Variants in ABCA6 observed in about 807,000 individuals in gnomAD.
ABCA6 encodes ATP-binding cassette sub-family A member 6.
A neutral mutation model predicts 191.2 loss-of-function variants in ABCA6; 164 were observed. The ratio of observed to expected loss-of-function variants is 0.86; its 90% confidence interval spans 0.76 to 0.98. The LOEUF (loss-of-function observed/expected upper bound fraction) is 0.98, where lower values mean the gene tolerates loss of function less well. ABCA6 is among the 50% of genes least tolerant of loss of function. ABCA6 has a pLI of 0.00. For missense variants in ABCA6, 1,958 were observed against 1,894.1 expected (o/e 1.03, Z -0.63); for synonymous variants, 636 against 647.7 (o/e 0.98, Z 0.27).
In ABCA6 at chr17:69,096,786, G is replaced by T. The variant is rs1030055454; in HGVS notation, c.3136C>A (p.Gln1046Lys). 1.3e-6 allele frequency: 2 copies of T among 1,525,818 alleles called. No homozygotes were observed. Among genetic ancestry groups the T allele is most frequent in the African/African-American group, 1.4e-5 (1 of 69,154 alleles). 94.5% of individuals were successfully genotyped at this position (1,525,818 alleles called of 1,614,324 possible). ...ISDYKKNAKS[Q>K]LWISGLYTSA... ...GTGTAGAGGCCTGAAATCCATAGCT[G>T]GGACTTAGCATTTTTCTGATTAAAA... The change falls in exon 24 of 39, where the codon CAG becomes AAG. Residue 1046 changes from glutamine to lysine, a missense_variant. By Grantham distance (53) the Gln-to-Lys change is moderately conservative. Transcript: ENST00000284425.
Position 69,137,464 on chromosome 17 carries a change from C to G in ABCA6, c.133G>C (p.Ala45Pro), listed in dbSNP as rs1377860822. Residue 45 changes from alanine (A) to proline (P), a missense_variant, in exon 3 of 39, where the codon GCT becomes CCT. By Grantham distance (27) the Ala-to-Pro change is conservative (BLOSUM62 -1). Transcript: ENST00000284425. ...GLSILLGLCI[A>P]LFSSSMRNVQ... Reference sequence around the variant, plus strand: ...TTTCTCATGGAACTGGAAAACAGAGCAATACACAGTCCTAGAAGTATTGAG... The same window carrying G: ...TTTCTCATGGAACTGGAAAACAGAGGAATACACAGTCCTAGAAGTATTGAG... 1.9e-6 allele frequency: 3 copies of G among 1,613,568 alleles called. No individual in the cohort carries two copies. Among genetic ancestry groups the G allele is most frequent in the Non-Finnish European group, 2.5e-6 (3 of 1,179,714 alleles).
intron 37 of ABCA6, among the ~76,000 whole-genome samples, chr17:69,080,582 T>G (rs2072607013): frequency 6.6e-6 from 1 of 152,128 alleles, no homozygotes; most frequent in Non-Finnish European, 1.5e-5. Flanking sequence ...CAAATACACC[T>G]GCACAGACAC....
At chr17:69,105,386 TCCCC>T in intron 20 of ABCA6, 72 bp downstream of exon 20, 1 of 1,324,106 alleles carries the variant, frequency 7.6e-7, no homozygotes, top group Non-Finnish European at 1.0e-6. Context: ...ATGATTCACT[TCCCC>T]CCCCCACCTC....
At chr17:69,134,596 G>A in intron 5 of ABCA6, 43 bp downstream of exon 5, 1 of 1,411,544 alleles carries the variant, frequency 7.1e-7, no homozygotes, top group South Asian at 1.2e-5. Context: ...GTCTCTGGAA[G>A]TAGCTGACAT....
rs757669020 is a variant in ABCA6, at chr17:69,128,729, G to T, written c.1009C>A (p.Leu337Ile). 2 of 1,612,756 alleles carry T rather than the reference G, an allele frequency of 1.2e-6. No homozygotes were observed. Among genetic ancestry groups the T allele is most frequent in the East Asian group, 4.5e-5 (2 of 44,832 alleles). Residue 337 changes from leucine to isoleucine, a missense_variant, in exon 8 of 39, where the codon CTC becomes ATC. Transcript: ENST00000284425. ...GTGAATCCCAGACATCCCCAAAAGA[G>T]GGTAAGGAGAAACACAACCAAATTG... ...LTNLVVFLLT[L>I]FWGCLGFTVF... is the part of the protein sequence containing the mutation.
At chr17:69,090,400 C>G (rs2072898325) in intron 26 of ABCA6, among the ~76,000 whole-genome samples, 1 of 152,188 alleles carries the variant, frequency 6.6e-6, no homozygotes, top group African/African-American at 2.4e-5. Flanking sequence ...TGCTTCAAGG[C>G]CTTTGCTTTC....
In ABCA6 at chr17:69,078,965, T is replaced by C. The variant is rs1222545739; in HGVS notation, c.*8A>G. The C allele has an allele frequency of 6.3e-7, 1 of 1,584,346 alleles. No homozygotes were observed. The highest frequency in any genetic ancestry group is 2.2e-5 in the East Asian group (1 of 44,586). On this transcript the variant is annotated 3_prime_UTR_variant, in exon 39 of 39. Coordinates refer to ENST00000284425, the MANE Select transcript of ABCA6 (RefSeq NM_080284.3). ...GGAGATCAACAAAAAATTACTAGGT[T>C]TGAGGTTTTAAGGTTCATCTGAATG... is the stretch of plus-strand genomic sequence containing the variant.
chr17:69,097,873 A>G (rs2073084811), intron 23 of ABCA6, 47 bp downstream of exon 23: 3 of 1,351,592 alleles, frequency 2.2e-6, no homozygotes, highest in Non-Finnish European at 3.1e-6. Flanking sequence ...TTCAAAATAC[A>G]GATATTGAAA....
At chr17:69,097,012 T>C (rs2073063688) in intron 23 of ABCA6, among the ~76,000 whole-genome samples, 1 of 152,184 alleles carries the variant, frequency 6.6e-6, no homozygotes, top group African/African-American at 2.4e-5. Flanking sequence ...ATAAAATGTA[T>C]ACTGTGATAG....
In ABCA6 at chr17:69,103,455, CATGT is replaced by C. The variant is rs1224861515; in HGVS notation, c.2741-491_2741-488del. On this transcript the variant is annotated intron_variant, in intron 20 of 38. Coordinates refer to ENST00000284425, the MANE Select transcript of ABCA6 (RefSeq NM_080284.3). ...TAAACATTTACGTACATATTCCATA[CATGT>C]ATGTTGTATAAATATAATCTTTCTT... 2.0e-5 allele frequency among the ~76,000 whole-genome samples: 3 copies of C among 152,176 alleles called. No homozygotes were observed. In the South Asian group the frequency reaches 6.2e-4, roughly 32 times the overall value.
Position 69,106,213 on chromosome 17 carries a change from T to G in ABCA6, c.2390-2A>C. The G allele has an allele frequency of 6.2e-7, 1 of 1,610,132 alleles. No homozygotes were observed. Among genetic ancestry groups the G allele is most frequent in the Non-Finnish European group, 8.5e-7 (1 of 1,178,498 alleles). On this transcript the variant is annotated splice_acceptor_variant, in intron 18 of 38. Transcript: ENST00000284425. LOFTEE classifies it high-confidence loss of function. ...TTATCATCTCCACTTGTTCGAAATC[T>G]ATAAACACACACATACACAAACACA...
rs1165087835 is a variant in ABCA6 at position 69,083,217 on chromosome 17, C to G, written c.4470G>C (p.Arg1490Ser). 9 of 1,595,684 alleles carry G rather than the reference C, an allele frequency of 5.6e-6. No individual in the cohort carries two copies. Among genetic ancestry groups the G allele is most frequent in the Middle Eastern group, 1.7e-4 (1 of 5,938 alleles). Residue 1490 changes from arginine to serine, a missense_variant, in exon 35 of 39, where the codon AGG becomes AGC. Coordinates refer to ENST00000284425, the MANE Select transcript of ABCA6 (RefSeq NM_080284.3). ...CDRVAIMVSG[R>S]LRCIGSIQHL... ...GGCTTCGGAGAGACACCCACCTAAG[C>G]CTTCCAGACACCATGATGGCCACAC...
At chr17:69,132,579 C>T (rs991690588) in intron 6 of ABCA6, among the ~76,000 whole-genome samples, 3 of 152,208 alleles carry the variant, frequency 2.0e-5, no homozygotes, top group Non-Finnish European at 2.9e-5. Context: ...CTCCCAGGTT[C>T]CAGCAATTCT....
chr17:69,115,078 C>G lies in ABCA6; in HGVS notation c.1607-141G>C, dbSNP rs559771789. 2.1e-5 allele frequency: 15 copies of G among 698,038 alleles called. No homozygotes were observed. In the African/African-American group the frequency reaches 2.5e-4, roughly 12 times the overall value. 43.2% of individuals were successfully genotyped at this position (698,038 alleles called of 1,614,324 possible). On this transcript the variant is annotated intron_variant, in intron 12 of 38. Transcript: ENST00000284425. Reference sequence around the variant, plus strand: ...CTACTATTCTTGACATAAATATATGCTTATAGAACTGCATATATGTGAACA... The same window carrying G: ...CTACTATTCTTGACATAAATATATGGTTATAGAACTGCATATATGTGAACA...
chr17:69,095,872 A>G (rs994263541), intron 25 of ABCA6, among the ~76,000 whole-genome samples: 1 of 152,214 alleles, frequency 6.6e-6, no homozygotes, highest in African/African-American at 2.4e-5. Context: ...ATCTGAAACT[A>G]TTAGCAGCTA....
chr17:69,089,488 T>C lies in ABCA6; in HGVS notation c.3583A>G (p.Thr1195Ala), dbSNP rs374946406. 5.6e-6 allele frequency: 9 copies of C among 1,613,648 alleles called. No individual in the cohort carries two copies. In the African/African-American group the frequency reaches 9.3e-5, roughly 17 times the overall value. The change falls in exon 27 of 39, where the codon ACT (threonine) becomes GCT (alanine). Residue 1195 changes from threonine to alanine, a missense_variant. By Grantham distance (58) the Thr-to-Ala change is moderately conservative. Coordinates refer to ENST00000284425, the MANE Select transcript of ABCA6 (RefSeq NM_080284.3). ...ACTATGAAGCAGACTAGAAAATCAG[T>C]GGCACTCAATTCAAAATTTGCCTCT... is the stretch of plus-strand genomic sequence containing the variant. ...FPEANFELSA[T>A]DFLVCFIPYF...
intron 17 of ABCA6, chr17:69,108,254 T>C: frequency 6.1e-6 from 1 of 162,886 alleles, no homozygotes; most frequent in Admixed American, 6.4e-5. Flanking sequence ...CCTGTCTCCA[T>C]CTATCCACAC....
chr17:69,084,341 C>G lies in ABCA6; in HGVS notation c.4275G>C (p.Leu1425=). 6.2e-7 allele frequency: 1 copy of G among 1,614,158 alleles called. No homozygotes were observed. ...AGACAGGTGAGTTTCCCAGGAGGCTCAGCACAAAACACAACTGCAATGTAG... is the reference window on the plus strand; with the variant it reads ...AGACAGGTGAGTTTCCCAGGAGGCTGAGCACAAAACACAACTGCAATGTAG... ...AGITRKLCFV[L]SLLGNSPVLL... Residue 1425 remains leucine, a synonymous_variant, in exon 34 of 39, where the codon CTG becomes CTC. Coordinates refer to ENST00000284425, the MANE Select transcript of ABCA6 (RefSeq NM_080284.3).
At chr17:69,101,753 A>C (rs1430719601) in intron 21 of ABCA6, among the ~76,000 whole-genome samples, 1 of 152,172 alleles carries the variant, frequency 6.6e-6, no homozygotes, top group Non-Finnish European at 1.5e-5. Flanking sequence ...CATGTTTAGG[A>C]AAATGTTCAT....
Sources: allele counts gnomAD v4.1 joint callset (sites outside exome capture counted in the v4.1 genomes callset), GRCh38; gene constraint gnomAD v4.1.1; transcripts MANE v1.5; gene names NCBI Gene and HGNC (gene_info 2026-07-23, HGNC 2026-07-21).